CEP152: variants seen among roughly 807,000 people sequenced by gnomAD.
The protein encoded by CEP152 is centrosomal protein 152.
CEP152 carries 132 observed loss-of-function variants against 188.9 expected under a neutral mutation model. That is an observed-to-expected ratio of 0.70 (90% CI 0.61 to 0.81). The LOEUF (loss-of-function observed/expected upper bound fraction) is 0.81. CEP152 is among the 30% of genes least tolerant of loss of function. CEP152 has a pLI of 0.00. For missense variants in CEP152, 1,914 were observed against 1,969.8 expected (o/e 0.97, Z 0.54); for synonymous variants, 649 against 666.6 (o/e 0.97, Z 0.41).
In CEP152 at chr15:48,809,947, C is replaced by T. The variant is rs544683756; in HGVS notation, c.-8+1014G>A. Among the ~76,000 whole-genome samples the T allele has an allele frequency of 3.9e-5, 6 of 152,326 alleles. No homozygotes were observed. In the East Asian group the frequency reaches 1.2e-3, roughly 29 times the overall value. ...ATGCCACCCTCCTTCAAGATGCCCT[C>T]CCAAGCCTGTTCCCCCATGGAGCTG... On this transcript the variant is annotated intron_variant, in intron 1 of 26. Coordinates refer to ENST00000380950, the MANE Select transcript of CEP152 (RefSeq NM_001194998.2).
intron 2 of CEP152, among the ~76,000 whole-genome samples, chr15:48,730,217 G>A (rs954778409): frequency 2.6e-5 from 4 of 152,170 alleles, no homozygotes; most frequent in African/African-American, 9.7e-5. Context: ...GTGAACATTA[G>A]CAGCCTCTCT....
At chr15:48,757,707 G>C (rs1315906932) in intron 19 of CEP152, among the ~76,000 whole-genome samples, 2 of 152,204 alleles carry the variant, frequency 1.3e-5, no homozygotes, top group Admixed American at 6.5e-5. Context: ...TGATGGGATA[G>C]AGTACCTACT....
At chr15:48,755,402 C>G (rs1208225971) in intron 20 of CEP152, among the ~76,000 whole-genome samples, 1 of 151,886 alleles carries the variant, frequency 6.6e-6, no homozygotes, top group Non-Finnish European at 1.5e-5. Context: ...TTAAGAAACT[C>G]TTATTATGCA....
chr15:48,749,799 G>A (rs1037275707), intron 21 of CEP152, among the ~76,000 whole-genome samples: 4 of 151,820 alleles, frequency 2.6e-5, no homozygotes, highest in Non-Finnish European at 5.9e-5. Flanking sequence ...ACAACTAAAT[G>A]TAACAGCTGA....
At chr15:48,804,441 A>T (rs186578792) in intron 2 of CEP152, among the ~76,000 whole-genome samples, 11 of 152,368 alleles carry the variant, frequency 7.2e-5, no homozygotes, top group Non-Finnish European at 1.6e-4. Flanking sequence ...AATAACTATT[A>T]AAAAAGACTT....
At chr15:48,774,740 A>C (rs1895776113) in intron 12 of CEP152, among the ~76,000 whole-genome samples, 3 of 152,228 alleles carry the variant, frequency 2.0e-5, no homozygotes, top group Admixed American at 1.3e-4. Flanking sequence ...CACAATGTCT[A>C]GTATATAATC....
intron 20 of CEP152, among the ~76,000 whole-genome samples, chr15:48,755,029 T>C (rs202035553): frequency 6.6e-6 from 1 of 151,350 alleles, no homozygotes; most frequent in Non-Finnish European, 1.5e-5. Context: ...TTTTTTTTTT[T>C]CCTGCCTCTA....
Position 48,756,173 on chromosome 15 carries a change from T to A in CEP152, c.3075A>T (p.Arg1025Ser). The change falls in exon 20 of 27, where the codon AGA (arginine) becomes AGT (serine). Residue 1025 changes from arginine to serine, a missense_variant. Arg to Ser is a moderately radical substitution (Grantham distance 110). Transcript: ENST00000380950. Reference sequence around the variant, plus strand: ...GCTTGGCTTCCTGCATAGTCCATTCTCTACGACTCTGGTCTAGACAAGTTT... The same window carrying A: ...GCTTGGCTTCCTGCATAGTCCATTCACTACGACTCTGGTCTAGACAAGTTT... ...ELQTCLDQSR[R>S]EWTMQEAKRI... is the part of the protein sequence containing the mutation. 1 of 1,614,088 alleles carries A rather than the reference T, an allele frequency of 6.2e-7. No homozygotes were observed. Among genetic ancestry groups the A allele is most frequent in the Non-Finnish European group, 8.5e-7 (1 of 1,179,992 alleles).
At chr15:48,805,304 C>T (rs964492178) in intron 2 of CEP152, among the ~76,000 whole-genome samples, 1 of 152,108 alleles carries the variant, frequency 6.6e-6, no homozygotes, top group African/African-American at 2.4e-5. Context: ...CAACCATTAC[C>T]TCCTAAATGA....
chr15:48,730,564 G>A (rs998313934), intron 2 of CEP152, among the ~76,000 whole-genome samples: 11 of 152,160 alleles, frequency 7.2e-5, no homozygotes, highest in South Asian at 2.1e-4. Flanking sequence ...ACCTGGAAGC[G>A]CTCAGAGGGA....
chr15:48,797,107 T>C (rs2140905520), intron 5 of CEP152, among the ~76,000 whole-genome samples, 194 bp downstream of exon 5: 1 of 152,354 alleles, frequency 6.6e-6, no homozygotes, highest in Middle Eastern at 3.4e-3. Context: ...TGACTTAAGA[T>C]CATGATTGTA....
chr15:48,799,120 T>C (rs1897512473), intron 2 of CEP152, among the ~76,000 whole-genome samples: 1 of 152,026 alleles, frequency 6.6e-6, no homozygotes, highest in Non-Finnish European at 1.5e-5. Flanking sequence ...ATTGTGCAAG[T>C]GGATTTTAAA....
At chr15:48,757,923 A>T (rs1894396615) in intron 19 of CEP152, among the ~76,000 whole-genome samples, 2 of 152,200 alleles carry the variant, frequency 1.3e-5, no homozygotes. Flanking sequence ...GATTCCACAG[A>T]ATTTTTATAA....
intron 8 of CEP152, chr15:48,789,337 TCTATGAC>T (rs1197709385): frequency 2.8e-6 from 1 of 352,130 alleles, no homozygotes; most frequent in Non-Finnish European, 5.3e-6. Flanking sequence ...TTTGCATTGC[TCTATGAC>T]CAAAGTGTGG....
intron 1 of CEP152, among the ~76,000 whole-genome samples, chr15:48,809,862 G>C (rs1270415901): frequency 2.6e-5 from 4 of 152,190 alleles, no homozygotes; most frequent in Non-Finnish European, 2.9e-5. Context: ...CTGAGAAAAG[G>C]TGAATGTGCA....
At chr15:48,806,720 C>T (rs1396260427) in intron 1 of CEP152, among the ~76,000 whole-genome samples, 13 of 152,218 alleles carry the variant, frequency 8.5e-5, no homozygotes, top group Admixed American at 7.2e-4. Flanking sequence ...ATATCACAAA[C>T]TTTTGTGGAA....
intron 12 of CEP152, among the ~76,000 whole-genome samples, 181 bp downstream of exon 12, chr15:48,781,015 G>A (rs1280792923): frequency 6.6e-6 from 1 of 152,154 alleles, no homozygotes; most frequent in Non-Finnish European, 1.5e-5. Flanking sequence ...TCATAGTAAG[G>A]TTTCTAGGAA....
intron 20 of CEP152, 88 bp from the exon 21 acceptor site, chr15:48,752,557 G>GA: frequency 2.6e-6 from 4 of 1,526,952 alleles, no homozygotes; most frequent in Non-Finnish European, 3.5e-6. Context: ...AATACAAAGA[G>GA]AAAACACTAC....
intron 21 of CEP152, 112 bp from the exon 22 acceptor site, chr15:48,748,722 C>T (rs1893662941): frequency 8.8e-7 from 1 of 1,131,574 alleles, no homozygotes; most frequent in Admixed American, 3.6e-5. Context: ...CTAAAGGCTA[C>T]AGCACGACTG....
Sources: allele counts gnomAD v4.1 joint callset (sites outside exome capture counted in the v4.1 genomes callset), GRCh38; gene constraint gnomAD v4.1.1; transcripts MANE v1.5; gene names NCBI Gene and HGNC (gene_info 2026-07-23, HGNC 2026-07-21).